DMWD: variants seen among roughly 807,000 people sequenced by gnomAD.
DMWD encodes the protein dystrophia myotonica WD repeat-containing protein.
Under a neutral mutation model 45.8 loss-of-function variants are expected in DMWD, and 19 were observed. That is an observed-to-expected ratio of 0.41 (90% CI 0.29 to 0.61). The LOEUF is 0.61. Ranked by LOEUF, DMWD falls within the 20% of genes least tolerant of loss-of-function variation. The pLI, the probability that DMWD is intolerant of heterozygous loss-of-function variation, is 0.25. For missense variants in DMWD, 802 were observed against 965.2 expected, an observed-to-expected ratio of 0.83 and a Z score of 2.24; for synonymous variants, 515 against 440.5, an observed-to-expected ratio of 1.17 and a Z score of -2.12.
intron 2 of DMWD, among the ~76,000 whole-genome samples, chr19:45,787,840 G>A (rs1970302215): frequency 6.6e-6 from 1 of 152,240 alleles, no homozygotes; most frequent in Non-Finnish European, 1.5e-5. Context: ...GGCTGAGGCA[G>A]GCGGATCACA....
At chr19:45,787,273 C>T (rs1970293152) in intron 2 of DMWD, 1 of 273,852 alleles carries the variant, frequency 3.7e-6, no homozygotes, top group Non-Finnish European at 7.1e-6. Flanking sequence ...GCAGGCATTA[C>T]AGCCTGAGCC....
Position 45,792,557 on chromosome 19 carries a change from G to A in DMWD, c.200C>T (p.Ser67Phe). ...GCCTGCAGCGCCGGGACCGGAGGCG[G>A]AGGCAGGGCCGGGCGGGGGCTGCGG... ...QPPQPPPGPA[S>F]ASGPGAAGPA... Residue 67 changes from serine (S) to phenylalanine (F), a missense_variant, in exon 1 of 5, where the codon TCC (serine) becomes TTC (phenylalanine). Around this residue, in one of 9 missense-constraint regions of DMWD, gnomAD observed 151 missense variants for 128.1 expected, o/e 1.18. Transcript: ENST00000270223. 8.3e-7 allele frequency: 1 copy of A among 1,201,700 alleles called. No individual in the cohort carries two copies. The highest frequency in any genetic ancestry group is 1.0e-6 in the Non-Finnish European group (1 of 961,282). 74.4% of individuals were successfully genotyped at this position (1,201,700 alleles called of 1,614,324 possible).
Position 45,792,637 on chromosome 19 carries a change from G to A in DMWD, c.120C>T (p.Gly40=). ...AAGCCGGACCCGACCTGCGAGCGGC[G>A]CCGTCGCCCGGGAGTAGCTTGTAGA... The part of the protein sequence containing the change: ...EGFYKLLPGD[G]AARRSGPASA... The change falls in exon 1 of 5, where the codon GGC becomes GGT. Residue 40 remains glycine, a synonymous_variant. Coordinates refer to ENST00000270223, the MANE Select transcript of DMWD (RefSeq NM_004943.2). 2 of 1,334,332 alleles carry A rather than the reference G, an allele frequency of 1.5e-6. No homozygotes were observed. The highest frequency in any genetic ancestry group is 1.6e-5 in the South Asian group (1 of 63,922). 82.7% of individuals were successfully genotyped at this position (1,334,332 alleles called of 1,614,324 possible).
At chr19:45,790,334 C>T (rs1170383963) in intron 2 of DMWD, among the ~76,000 whole-genome samples, 2 of 140,488 alleles carry the variant, frequency 1.4e-5, no homozygotes, top group Non-Finnish European at 3.1e-5. Flanking sequence ...AAATTAAAAA[C>T]AATAAAAATT....
At chr19:45,788,885 T>C (rs1970318353) in intron 2 of DMWD, among the ~76,000 whole-genome samples, 2 of 148,930 alleles carry the variant, frequency 1.3e-5, no homozygotes, top group South Asian at 4.2e-4. Flanking sequence ...ACGAAGATCG[T>C]ACCACTGCAC....
chr19:45,785,671 G>C lies in DMWD; in HGVS notation c.1825C>G (p.Leu609Val), dbSNP rs781233466. Reference protein sequence around the residue: ...KKIAQERLTVLLFLEDCIITA... With the variant: ...KKIAQERLTVVLFLEDCIITA... ...ATGATGCAGTCCTCCAGGAACAGGA[G>C]GACTGTGAGCCGCTCCTGGGCGATC... The change falls in exon 3 of 5, where the codon CTC becomes GTC. Residue 609 changes from leucine to valine, a missense_variant. Physicochemically the swap from Leu to Val is conservative, Grantham distance 32. Transcript: ENST00000270223. The C allele has an allele frequency of 1.3e-6, 2 of 1,587,488 alleles. No homozygotes were observed. Among genetic ancestry groups the C allele is most frequent in the East Asian group, 4.5e-5 (2 of 44,164 alleles).
intron 2 of DMWD, among the ~76,000 whole-genome samples, chr19:45,787,821 A>G (rs1970301922): frequency 6.6e-6 from 1 of 152,222 alleles, no homozygotes; most frequent in African/African-American, 2.4e-5. Context: ...TAATCCCAGC[A>G]CTTTGGGAGG....
chr19:45,784,611 G>A (rs764128361), intron 4 of DMWD, 30 bp downstream of exon 4: 13 of 1,613,812 alleles, frequency 8.1e-6, no homozygotes, highest in East Asian at 2.2e-5. Flanking sequence ...ACCCTGAGGT[G>A]CTGGGGAAAG....
chr19:45,787,679 C>T (rs956360770), intron 2 of DMWD, among the ~76,000 whole-genome samples: 2 of 152,218 alleles, frequency 1.3e-5, no homozygotes, highest in Non-Finnish European at 1.5e-5. Flanking sequence ...GACAACCCCC[C>T]ATCCCGCTAG....
intron 2 of DMWD, among the ~76,000 whole-genome samples, chr19:45,788,970 TCTCAC>T (rs1291164584): frequency 6.6e-6 from 1 of 150,986 alleles, no homozygotes; most frequent in Admixed American, 6.6e-5. Flanking sequence ...AGGCAACTCT[TCTCAC>T]CTGCCTCCTT....
At chr19:45,784,871 C>T (rs1970250286) in intron 3 of DMWD, among the ~76,000 whole-genome samples, 156 bp from the exon 4 acceptor site, 1 of 152,180 alleles carries the variant, frequency 6.6e-6, no homozygotes, top group Non-Finnish European at 1.5e-5. Flanking sequence ...CCACGGCCTC[C>T]AGGACCCTGG....
At position 45,786,194 on chromosome 19, in the gene DMWD, C is replaced by A; in HGVS notation, c.1302G>T (p.Ala434=). 1 of 1,609,400 alleles carries A rather than the reference C, an allele frequency of 6.2e-7. No individual in the cohort carries two copies. The highest frequency in any genetic ancestry group is 2.2e-5 in the East Asian group (1 of 44,700). ...AGSITYRFGS[A]GQDTQFCLWD... ...ACAGGCAGAACTGCGTGTCCTGGCC[C>A]GCCGAGCCAAAGCGGTAAGTAATGG... Residue 434 remains alanine, a synonymous_variant, in exon 3 of 5, where the codon GCG becomes GCT. Transcript: ENST00000270223.
At chr19:45,788,920 C>G (rs116401957) in intron 2 of DMWD, among the ~76,000 whole-genome samples, 2,394 of 149,480 alleles carry the variant, frequency 0.016, 68 homozygotes, top group African/African-American at 0.057. Flanking sequence ...CAGAGTGAGA[C>G]CCTATCTCAG....
intron 1 of DMWD, 69 bp from the exon 2 acceptor site, chr19:45,791,156 G>A: frequency 6.8e-7 from 1 of 1,481,002 alleles, no homozygotes; most frequent in Middle Eastern, 1.9e-4. Context: ...TGTTGAGGTT[G>A]GGGGAAACCA....
intron 4 of DMWD, 40 bp from the exon 5 acceptor site, chr19:45,784,330 C>T (rs779733799): frequency 1.3e-6 from 2 of 1,495,422 alleles, no homozygotes; most frequent in Non-Finnish European, 1.8e-6. Context: ...GGGTTAGAGA[C>T]CACCTGGGCT....
In DMWD at chr19:45,792,394, C is replaced by G; in HGVS notation, c.363G>C (p.Ser121=). The change falls in exon 1 of 5, where the codon TCG becomes TCC. Residue 121 remains serine, a synonymous_variant. Coordinates refer to ENST00000270223, the MANE Select transcript of DMWD (RefSeq NM_004943.2). ...EPPATPAGLG[S]GGDRVCFNLG... is the part of the protein sequence containing the mutation. ...AGTTGAAGCAGACGCGGTCTCCCCC[C>G]GAGCCCAGCCCCGCGGGCGTGGCGG... 1.3e-6 allele frequency: 2 copies of G among 1,598,902 alleles called. No individual in the cohort carries two copies. Among genetic ancestry groups the G allele is most frequent in the Non-Finnish European group, 1.7e-6 (2 of 1,173,330 alleles).
At position 45,783,712 on chromosome 19, in the gene DMWD, C is replaced by T. The variant is rs944576865; in HGVS notation, c.*531G>A. On this transcript the variant is annotated 3_prime_UTR_variant, in exon 5 of 5. Transcript: ENST00000270223. ...CACAGGTCCTCTACATCATCTCCTC[C>T]GAAGGGGACAGACCCGCTGAGAAAA... 10 of 429,862 alleles carry T rather than the reference C, an allele frequency of 2.3e-5. No homozygotes were observed. The highest frequency in any genetic ancestry group is 8.7e-5 in the Admixed American group (2 of 22,876). The allele number at this position is 429,862 out of a possible 1,614,324, so 26.6% of individuals were successfully genotyped here. A position where few individuals can be genotyped will look rare whatever the true frequency, so the allele number is the denominator to read the frequency against.
Position 45,785,710 on chromosome 19 carries a change from G to A in DMWD, c.1786C>T (p.Leu596Phe). Residue 596 changes from leucine (L) to phenylalanine (F), a missense_variant, in exon 3 of 5, where the codon CTT (leucine) becomes TTT (phenylalanine). Around this residue, in one of 9 missense-constraint regions of DMWD, gnomAD observed 303 missense variants for 332.9 expected, o/e 0.91. Coordinates refer to ENST00000270223, the MANE Select transcript of DMWD (RefSeq NM_004943.2). ...RIHEVPLLEP[L>F]VCKKIAQERL... is the part of the protein sequence containing the mutation. ...TCCTGGGCGATCTTCTTGCACACAA[G>A]GGGCTCCAGCAGGGGCACCTCGTGG... 1.9e-6 allele frequency: 3 copies of A among 1,605,430 alleles called. No individual in the cohort carries two copies. The highest frequency in any genetic ancestry group is 2.6e-6 in the Non-Finnish European group (3 of 1,174,912).
Position 45,792,598 on chromosome 19 carries a change from C to A in DMWD, c.159G>T (p.Pro53=). 7.6e-7 allele frequency: 1 copy of A among 1,309,380 alleles called. No homozygotes were observed. Among genetic ancestry groups the A allele is most frequent in the Non-Finnish European group, 9.9e-7 (1 of 1,012,680 alleles). The allele number at this position is 1,309,380 out of a possible 1,614,324, so 81.1% of individuals were successfully genotyped here. ...GGGGCTGCGGTGGCTGAGGCGGCACCGGAGTCTGGGCGGAAGCCGGACCCG... is the reference window on the plus strand; with the variant it reads ...GGGGCTGCGGTGGCTGAGGCGGCACAGGAGTCTGGGCGGAAGCCGGACCCG... ...RRSGPASAQT[P]VPPQPPQPPP... Residue 53 remains proline (P), a synonymous_variant, in exon 1 of 5, where the codon CCG becomes CCT. Coordinates refer to ENST00000270223, the MANE Select transcript of DMWD (RefSeq NM_004943.2).
Sources: gnomAD v4.1 joint callset for allele counts (sites outside exome capture counted in the v4.1 genomes callset) on GRCh38, gnomAD v4.1.1 for gene constraint, gnomAD v4.1.1 regional missense constraint, MANE v1.5 for transcripts, NCBI Gene and HGNC (gene_info 2026-07-23, HGNC 2026-07-21) for gene names.